The following CIMAP2 variants were observed in gnomAD, a reference collection of about 807,000 sequenced individuals.
The protein encoded by CIMAP2 is ciliary microtubule associated protein 2.
chr1:54,840,761 C>G, the CIMAP2 span, among the ~76,000 whole-genome samples: 8 of 152,344 alleles, frequency 5.3e-5, no homozygotes, highest in Middle Eastern at 6.8e-3. Flanking sequence ...TAGGCATCCT[C>G]TGATGTCTTC....
chr1:54,835,805 A>G, the CIMAP2 span, among the ~76,000 whole-genome samples: 38,985 of 151,842 alleles, frequency 0.26, 6,395 homozygotes, highest in African/African-American at 0.45. Context: ...AAGAGGGATG[A>G]AGGCAGGTCG....
the CIMAP2 span, among the ~76,000 whole-genome samples, chr1:54,833,607 A>C: frequency 6.6e-6 from 1 of 152,060 alleles, no homozygotes; most frequent in Non-Finnish European, 1.5e-5. Flanking sequence ...TTTGTTTTCC[A>C]TTCTGTAGAG....
chr1:54,816,921 G>A, the CIMAP2 span: 1 of 1,582,532 alleles, frequency 6.3e-7, no homozygotes, highest in Non-Finnish European at 8.6e-7. Context: ...CCAAGGGGAG[G>A]AGAGGAAGCC....
chr1:54,833,987 A>G, the CIMAP2 span, among the ~76,000 whole-genome samples: 1 of 152,204 alleles, frequency 6.6e-6, no homozygotes, highest in South Asian at 2.1e-4. Context: ...ACAGGCGTGC[A>G]TCACCACAGC....
At chr1:54,831,347 A>G in the CIMAP2 span, among the ~76,000 whole-genome samples, 1 of 152,168 alleles carries the variant, frequency 6.6e-6, no homozygotes, top group Admixed American at 6.5e-5. Flanking sequence ...ATGAATTAAC[A>G]TGGAGAGCTT....
At chr1:54,819,824 C>CTTTCTTTTTCTTTCTTTCTT in the CIMAP2 span, among the ~76,000 whole-genome samples, 51 of 100,262 alleles carry the variant, frequency 5.1e-4, no homozygotes, top group East Asian at 6.3e-3. Flanking sequence ...TTCTTTCTTT[C>CTTTCTTTTTCTTTCTTTCTT]TCTTTCTTTC....
At chr1:54,814,957 G>A in the CIMAP2 span, 1 of 1,614,190 alleles carries the variant, frequency 6.2e-7, no homozygotes, top group South Asian at 1.1e-5. Context: ...GAGAAGAAAT[G>A]CAAACCCGTC....
At chr1:54,809,760 G>C in the CIMAP2 span, among the ~76,000 whole-genome samples, 1 of 152,060 alleles carries the variant, frequency 6.6e-6, no homozygotes, top group Non-Finnish European at 1.5e-5. Context: ...GATGGCAGGG[G>C]AGCTAGGGGG....
the CIMAP2 span, chr1:54,841,828 A>C: frequency 1.9e-6 from 3 of 1,557,980 alleles, no homozygotes; most frequent in Admixed American, 1.9e-5. Context: ...TTACTAAGGG[A>C]AAGTGCCCTC....
the CIMAP2 span, chr1:54,811,783 C>CCCCCCCCCCCCA: frequency 1.5e-6 from 2 of 1,349,868 alleles, no homozygotes; most frequent in South Asian, 1.2e-5. Context: ...GCCCCCACCC[C>CCCCCCCCCCCCA]CGCCCCACAG....
chr1:54,812,841 G>C, the CIMAP2 span, among the ~76,000 whole-genome samples: 1 of 152,156 alleles, frequency 6.6e-6, no homozygotes, highest in African/African-American at 2.4e-5. Flanking sequence ...ACATTCTAGT[G>C]GGGAAAGAAA....
chr1:54,811,763 C>CCGCCGGGGGGGGGGGGGG, the CIMAP2 span: 1 of 1,280,768 alleles, frequency 7.8e-7, no homozygotes, highest in Non-Finnish European at 1.1e-6. Flanking sequence ...GTGGTTCTGA[C>CCGCCGGGGGGGGGGGGGG]AGCCTCCATG....
chr1:54,807,035 C>A, the CIMAP2 span: 1 of 1,614,092 alleles, frequency 6.2e-7, no homozygotes, highest in Non-Finnish European at 8.5e-7. Context: ...GGAAGAAGTT[C>A]AGCACCTTCA....
At chr1:54,822,458 T>C in the CIMAP2 span, among the ~76,000 whole-genome samples, 1 of 152,206 alleles carries the variant, frequency 6.6e-6, no homozygotes, top group Non-Finnish European at 1.5e-5. Context: ...ATTTTGGGTT[T>C]GATTTGTTCT....
the CIMAP2 span, among the ~76,000 whole-genome samples, chr1:54,809,199 G>A: frequency 6.6e-6 from 1 of 152,204 alleles, no homozygotes; most frequent in Non-Finnish European, 1.5e-5. Flanking sequence ...GAGCAGATAA[G>A]CAAGTTGCCC....
the CIMAP2 span, among the ~76,000 whole-genome samples, chr1:54,813,270 C>T: frequency 6.6e-6 from 1 of 152,168 alleles, no homozygotes; most frequent in Non-Finnish European, 1.5e-5. Flanking sequence ...CCACAGCAGC[C>T]TGGTCTGTTT....
chr1:54,839,772 T>C, the CIMAP2 span, among the ~76,000 whole-genome samples: 2 of 152,100 alleles, frequency 1.3e-5, no homozygotes, highest in South Asian at 2.1e-4. Flanking sequence ...TTTTTTGAGA[T>C]AGTGTCAACA....
At chr1:54,806,492 T>A in the CIMAP2 span, among the ~76,000 whole-genome samples, 2 of 152,138 alleles carry the variant, frequency 1.3e-5, no homozygotes, top group Non-Finnish European at 2.9e-5. Flanking sequence ...TGTGCCAGGT[T>A]TAGAGAGGTC....
chr1:54,838,046 G>T, the CIMAP2 span, among the ~76,000 whole-genome samples: 29 of 152,132 alleles, frequency 1.9e-4, no homozygotes, highest in Non-Finnish European at 3.2e-4. Flanking sequence ...ATTGAATTTG[G>T]AGCCTTCCAA....
Sources: gnomAD v4.1 joint callset for allele counts (sites outside exome capture counted in the v4.1 genomes callset) on GRCh38, gnomAD v4.1.1 for gene constraint, MANE v1.5 for transcripts, NCBI Gene and HGNC (gene_info 2026-07-23, HGNC 2026-07-21) for gene names.